EPHB1: variants seen among roughly 807,000 people sequenced by gnomAD.
The protein encoded by EPHB1 is ephrin type-B receptor 1.
A neutral mutation model predicts 94.4 loss-of-function variants in EPHB1; 30 were observed. The ratio of observed to expected loss-of-function variants is 0.32; its 90% CI spans 0.24 to 0.43. The LOEUF is 0.43. Ranked by LOEUF, EPHB1 falls within the 20% of genes least tolerant of loss-of-function variation. The probability of loss-of-function intolerance (pLI) is 1.00; values close to 1 mark genes in which losing one functional copy is unlikely to be tolerated. For missense variants in EPHB1, 1,055 were observed against 1,308.3 expected (o/e 0.81, Z 2.99); for synonymous variants, 522 against 489.1 (o/e 1.07, Z -0.89).
chr3:134,930,112 G>A (rs1462685587), intron 2 of EPHB1, among the ~76,000 whole-genome samples: 1 of 152,234 alleles, frequency 6.6e-6, no homozygotes, highest in Non-Finnish European at 1.5e-5. Context: ...ACAGTGCATA[G>A]CCTGTGTGGC....
At chr3:134,880,491 C>G (rs555070803) in intron 1 of EPHB1, among the ~76,000 whole-genome samples, 14 of 152,296 alleles carry the variant, frequency 9.2e-5, no homozygotes, top group African/African-American at 3.1e-4. Flanking sequence ...GAAATCAGGG[C>G]AGGCACTCTG....
chr3:134,939,484 G>A (rs923646984), intron 2 of EPHB1, among the ~76,000 whole-genome samples: 2 of 152,176 alleles, frequency 1.3e-5, no homozygotes, highest in Non-Finnish European at 2.9e-5. Flanking sequence ...GAGCCTTTGA[G>A]TAAATCCCTG....
chr3:134,896,887 G>A (rs1379076132), intron 1 of EPHB1, among the ~76,000 whole-genome samples: 1 of 152,238 alleles, frequency 6.6e-6, no homozygotes, highest in African/African-American at 2.4e-5. Context: ...GAGCCTAGTG[G>A]CTCTGCCTCC....
chr3:135,157,137 C>T (rs953200674), intron 6 of EPHB1, among the ~76,000 whole-genome samples: 4 of 152,182 alleles, frequency 2.6e-5, no homozygotes, highest in Non-Finnish European at 4.4e-5. Context: ...AAAACAAAAA[C>T]CTTGTCCAGA....
chr3:135,230,573 G>A (rs1943510550), intron 12 of EPHB1, among the ~76,000 whole-genome samples: 1 of 152,130 alleles, frequency 6.6e-6, no homozygotes, highest in Non-Finnish European at 1.5e-5. Flanking sequence ...ATCTAAATTA[G>A]GGTAATTTAA....
chr3:135,191,140 A>C (rs1487946837), intron 10 of EPHB1, among the ~76,000 whole-genome samples: 1 of 152,048 alleles, frequency 6.6e-6, no homozygotes, highest in East Asian at 1.9e-4. Flanking sequence ...GGACAGAGGG[A>C]GAAAAAGGGA....
rs555341023 is a variant in EPHB1, at chr3:135,084,781, A to G, written c.806-21667A>G. ...ACACTTGCAGTTGTTTTTGCTATTC[A>G]TAATAAAAGAAGCTTACAAAAGTCA... is the stretch of plus-strand genomic sequence containing the variant. On this transcript the variant is annotated intron_variant, in intron 3 of 15. Coordinates refer to ENST00000398015, the MANE Select transcript of EPHB1 (RefSeq NM_004441.5). Among the ~76,000 whole-genome samples the G allele has an allele frequency of 3.9e-5, 6 of 152,342 alleles. No individual in the cohort carries two copies. The East Asian group carries it at 1.2e-3, about 29-fold the overall frequency.
rs541066139 is a variant in EPHB1 at position 135,141,124 on chromosome 3, C to T, written c.1297+8075C>T. Among the ~76,000 whole-genome samples the T allele has an allele frequency of 1.2e-4, 18 of 149,380 alleles. 1 individual carries two copies. In the South Asian group the frequency reaches 3.4e-3, roughly 29 times the overall value. ...AGAATTGAGCCTTAGGATTTTAAAGCGTGTGCGCTTCTTTCCTTTCCTTTT... is the reference window on the plus strand; with the variant it reads ...AGAATTGAGCCTTAGGATTTTAAAGTGTGTGCGCTTCTTTCCTTTCCTTTT... On this transcript the variant is annotated intron_variant, in intron 5 of 15. Transcript: ENST00000398015.
chr3:135,031,081 C>G (rs1419571595), intron 3 of EPHB1, among the ~76,000 whole-genome samples: 1 of 152,202 alleles, frequency 6.6e-6, no homozygotes, highest in Non-Finnish European at 1.5e-5. Flanking sequence ...CCTGCTTTGG[C>G]TCGTGCACGG....
intron 2 of EPHB1, among the ~76,000 whole-genome samples, chr3:134,943,845 C>T (rs930727973): frequency 6.6e-6 from 1 of 152,140 alleles, no homozygotes; most frequent in African/African-American, 2.4e-5. Flanking sequence ...CATAAGTCAC[C>T]ATGAACAAGC....
At chr3:135,229,339 G>T (rs952365349) in intron 12 of EPHB1, among the ~76,000 whole-genome samples, 2 of 152,230 alleles carry the variant, frequency 1.3e-5, no homozygotes, top group African/African-American at 4.8e-5. Context: ...TAACTGCTGG[G>T]ATTGTTTGCG....
chr3:134,983,594 C>G (rs36106), intron 3 of EPHB1, among the ~76,000 whole-genome samples: 95,997 of 152,176 alleles, frequency 0.63, 32,109 homozygotes, highest in African/African-American at 0.83. Flanking sequence ...GACAGAGTGC[C>G]TGAGAGACTG....
intron 3 of EPHB1, among the ~76,000 whole-genome samples, chr3:135,054,095 T>G (rs1937279304): frequency 6.6e-6 from 1 of 151,656 alleles, no homozygotes; most frequent in Admixed American, 6.6e-5. Context: ...ATGACAAATT[T>G]ATATCATATA....
intron 3 of EPHB1, among the ~76,000 whole-genome samples, chr3:135,097,228 C>T (rs1334993089): frequency 7.7e-6 from 1 of 130,156 alleles, no homozygotes; most frequent in African/African-American, 2.9e-5. Flanking sequence ...GACTTGGAGA[C>T]CAATTTGAGA....
intron 1 of EPHB1, among the ~76,000 whole-genome samples, chr3:134,892,957 C>T (rs1483566379): frequency 6.6e-6 from 1 of 152,172 alleles, no homozygotes; most frequent in Non-Finnish European, 1.5e-5. Flanking sequence ...GGTCAAGCCC[C>T]TTGCAAACAG....
intron 3 of EPHB1, among the ~76,000 whole-genome samples, chr3:134,996,258 A>G (rs1279562037): frequency 2.0e-5 from 3 of 152,160 alleles, no homozygotes; most frequent in South Asian, 2.1e-4. Flanking sequence ...CAGTGGTGCA[A>G]TCATGGCTCA....
At chr3:135,055,010 A>G (rs1275044328) in intron 3 of EPHB1, among the ~76,000 whole-genome samples, 1 of 152,240 alleles carries the variant, frequency 6.6e-6, no homozygotes, top group African/African-American at 2.4e-5. Context: ...TAGGCAAAAT[A>G]GTACCCATAA....
At chr3:135,005,006 C>T (rs532566781) in intron 3 of EPHB1, among the ~76,000 whole-genome samples, 1 of 152,362 alleles carries the variant, frequency 6.6e-6, no homozygotes, top group Non-Finnish European at 1.5e-5. Context: ...TGGTGAGGAG[C>T]TGCGTTCCTT....
intron 1 of EPHB1, among the ~76,000 whole-genome samples, chr3:134,806,918 C>A (rs970150033): frequency 6.6e-6 from 1 of 152,144 alleles, no homozygotes; most frequent in Non-Finnish European, 1.5e-5. Context: ...TGGGCGCAGG[C>A]TTGGACAACT....
Sources: allele counts gnomAD v4.1 joint callset (sites outside exome capture counted in the v4.1 genomes callset), GRCh38; gene constraint gnomAD v4.1.1; transcripts MANE v1.5; gene names NCBI Gene and HGNC (gene_info 2026-07-23, HGNC 2026-07-21).